The following RIPOR2 variants were observed in gnomAD, a reference collection of about 807,000 sequenced individuals.
The protein encoded by RIPOR2 is RHO family interacting cell polarization regulator 2.
In RIPOR2, 39 loss-of-function variants were observed where a neutral mutation model predicts 114.5. That is an observed-to-expected ratio of 0.34 (90% CI 0.26 to 0.44). The LOEUF (loss-of-function observed/expected upper bound fraction) is 0.44, where lower values mean the gene tolerates loss of function less well. RIPOR2 is among the 20% of genes least tolerant of loss of function. The pLI is 1.00. For missense variants in RIPOR2, 1,007 were observed against 1,255.1 expected (o/e 0.80, Z 2.99); for synonymous variants, 445 against 484.4 (o/e 0.92, Z 1.07).
At chr6:24,911,292 C>G (rs948649669) in intron 1 of RIPOR2, 1 of 152,284 alleles carries the variant, frequency 6.6e-6, no homozygotes, top group African/African-American at 2.4e-5. Context: ...TTTGCAAGAG[C>G]TGGCGCGGCA....
intron 1 of RIPOR2, among the ~76,000 whole-genome samples, chr6:24,974,336 C>T (rs1773934604): frequency 6.6e-6 from 1 of 152,148 alleles, no homozygotes; most frequent in South Asian, 2.1e-4. Context: ...TGCCTCTGCA[C>T]TCCAGCCCTG....
chr6:24,910,331 G>GC (rs1212908005), intron 1 of RIPOR2, among the ~76,000 whole-genome samples: 84 of 152,188 alleles, frequency 5.5e-4, no homozygotes, highest in Non-Finnish European at 1.0e-3. Context: ...CAAACGGGCA[G>GC]CCCGGGGGCA....
chr6:24,860,867 T>C, intron 8 of RIPOR2, 106 bp downstream of exon 8: 1 of 708,584 alleles, frequency 1.4e-6, no homozygotes, highest in South Asian at 1.9e-5. Flanking sequence ...TGGGTGGCGC[T>C]GCGTCTTTGC....
chr6:25,019,279 A>G (rs1776173231), intron 1 of RIPOR2, among the ~76,000 whole-genome samples: 1 of 152,218 alleles, frequency 6.6e-6, no homozygotes, highest in African/African-American at 2.4e-5. Flanking sequence ...TTAAGAAAGC[A>G]GGCATACTGT....
At chr6:25,010,931 A>G (rs1302396443) in intron 1 of RIPOR2, among the ~76,000 whole-genome samples, 2 of 152,236 alleles carry the variant, frequency 1.3e-5, no homozygotes. Context: ...GTGTGCAAGT[A>G]GCATAGGGAC....
At chr6:24,956,662 G>T (rs1449175738) in intron 1 of RIPOR2, among the ~76,000 whole-genome samples, 1 of 133,898 alleles carries the variant, frequency 7.5e-6, no homozygotes, top group Non-Finnish European at 1.6e-5. Flanking sequence ...AAGCGGTAGA[G>T]GTGGGCTATG....
At chr6:24,890,819 G>A (rs9356948) in intron 1 of RIPOR2, among the ~76,000 whole-genome samples, 24,685 of 146,052 alleles carry the variant, frequency 0.17, 2,052 homozygotes, top group South Asian at 0.23. Flanking sequence ...CACTCCCAGC[G>A]AATTTTTAAA....
intron 1 of RIPOR2, among the ~76,000 whole-genome samples, chr6:25,029,213 G>C (rs1313475675): frequency 6.6e-6 from 1 of 151,868 alleles, no homozygotes; most frequent in African/African-American, 2.4e-5. Context: ...GCTTGAACTC[G>C]GGAGGTGGAG....
intron 1 of RIPOR2, among the ~76,000 whole-genome samples, chr6:24,889,638 T>A (rs1057071161): frequency 1.3e-5 from 2 of 152,044 alleles, no homozygotes; most frequent in African/African-American, 4.8e-5. Flanking sequence ...AAATTTAAAA[T>A]ATATATATTT....
chr6:25,002,952 G>T (rs1311326439), intron 1 of RIPOR2, among the ~76,000 whole-genome samples: 1 of 152,218 alleles, frequency 6.6e-6, no homozygotes, highest in Non-Finnish European at 1.5e-5. Context: ...TACAAAAAGT[G>T]ATTTAAGACA....
At chr6:24,904,820 G>A (rs1222208297) in intron 1 of RIPOR2, among the ~76,000 whole-genome samples, 1 of 152,186 alleles carries the variant, frequency 6.6e-6, no homozygotes, top group Non-Finnish European at 1.5e-5. Context: ...TGTTGCCCAG[G>A]CTGGAGTGCA....
chr6:24,965,075 T>C (rs2114228151), intron 1 of RIPOR2, among the ~76,000 whole-genome samples: 1 of 152,294 alleles, frequency 6.6e-6, no homozygotes, highest in South Asian at 2.1e-4. Flanking sequence ...CTATCTTCCA[T>C]ATCTTTTAAC....
At chr6:25,021,361 G>T (rs1776308799) in intron 1 of RIPOR2, among the ~76,000 whole-genome samples, 1 of 152,102 alleles carries the variant, frequency 6.6e-6, no homozygotes, top group African/African-American at 2.4e-5. Flanking sequence ...GATGCAAGGG[G>T]ATTATAGAAA....
At chr6:25,019,368 G>A (rs1406762281) in intron 1 of RIPOR2, among the ~76,000 whole-genome samples, 2 of 151,708 alleles carry the variant, frequency 1.3e-5, no homozygotes, top group African/African-American at 2.4e-5. Context: ...AAAAACGTAT[G>A]CCCTTTGATT....
chr6:25,040,838 G>A lies in RIPOR2; in HGVS notation c.76+1013C>T, dbSNP rs113396597. 7.2e-4 allele frequency among the ~76,000 whole-genome samples: 109 copies of A among 151,964 alleles called. 2 individuals carry two copies. Among genetic ancestry groups the A allele is most frequent in the Admixed American group, 3.2e-3 (49 of 15,280 alleles). The stretch of plus-strand genomic sequence containing the variant: ...GATCTCTTGACGTCATGATCCTCCC[G>A]CCTTGGCCTCCCAAAGTGCTGGGAT... On this transcript the variant is annotated intron_variant, in intron 1 of 13. Coordinates refer to the RIPOR2 transcript ENST00000510784.
intron 1 of RIPOR2, among the ~76,000 whole-genome samples, chr6:25,030,767 C>T (rs56985759): frequency 0.035 from 5,235 of 150,334 alleles, 283 homozygotes; most frequent in African/African-American, 0.12. Context: ...GGCGTGATCT[C>T]GGTTCACTGC....
At chr6:24,829,965 T>C (rs1460608326) in intron 17 of RIPOR2, among the ~76,000 whole-genome samples, 1 of 152,090 alleles carries the variant, frequency 6.6e-6, no homozygotes, top group East Asian at 1.9e-4. Flanking sequence ...CATAAGAATG[T>C]AGTAGCTTTA....
intron 1 of RIPOR2, among the ~76,000 whole-genome samples, chr6:24,941,223 G>T (rs1772116811): frequency 6.6e-6 from 1 of 152,134 alleles, no homozygotes; most frequent in Admixed American, 6.5e-5. Context: ...ATTGCCCGCT[G>T]AGGGAATCCA....
At chr6:24,942,745 C>A (rs1236561450) in intron 1 of RIPOR2, among the ~76,000 whole-genome samples, 1 of 152,138 alleles carries the variant, frequency 6.6e-6, no homozygotes, top group Non-Finnish European at 1.5e-5. Context: ...CCTTTGCCCA[C>A]TTTTTGATGG....
Sources: gnomAD v4.1 joint callset for allele counts (sites outside exome capture counted in the v4.1 genomes callset) on GRCh38, gnomAD v4.1.1 for gene constraint, MANE v1.5 for transcripts, NCBI Gene and HGNC (gene_info 2026-07-23, HGNC 2026-07-21) for gene names.